The following SCN1A variants were observed in gnomAD, a reference collection of about 807,000 sequenced individuals.
SCN1A encodes the protein sodium voltage-gated channel alpha subunit 1.
A neutral mutation model predicts 193.7 loss-of-function variants in SCN1A; 13 were observed. The observed-to-expected ratio is 0.07, with a 90% CI of 0.04 to 0.11. The LOEUF is 0.11. Ranked by LOEUF, SCN1A falls within the 10% of genes least tolerant of loss-of-function variation. SCN1A has a pLI of 1.00. For missense variants in SCN1A, 1,432 were observed against 2,451.1 expected, an observed-to-expected ratio of 0.58 and a Z score of 8.78; for synonymous variants, 781 against 843.6, an observed-to-expected ratio of 0.93 and a Z score of 1.29.
intron 26 of SCN1A, chr2:165,996,367 G>T (rs775387729): frequency 3.0e-6 from 1 of 334,712 alleles, no homozygotes; most frequent in Non-Finnish European, 5.6e-6. Context: ...TCTCAAAAAG[G>T]TTAAGTATTT....
rs370463183 is a variant in SCN1A, at chr2:166,043,870, G to A, written c.1842C>T (p.His614=). The change falls in exon 14 of 29, where the codon CAC becomes CAT. Residue 614 remains histidine, a synonymous_variant. Coordinates refer to ENST00000674923, the MANE Select transcript of SCN1A (RefSeq NM_001165963.4). ...RRDSLFVPRR[H]GERRNSNLSQ... is the part of the protein sequence containing the mutation. Reference sequence around the variant, plus strand: ...TCAGGTTGCTGTTGCGTCTCTCTCCGTGTCGTCGGGGCACAAACAAGGAAT... The same window carrying A: ...TCAGGTTGCTGTTGCGTCTCTCTCCATGTCGTCGGGGCACAAACAAGGAAT... The A allele has an allele frequency of 3.3e-5, 53 of 1,614,034 alleles. No individual in the cohort carries two copies. The highest frequency in any genetic ancestry group is 6.7e-5 in the East Asian group (3 of 44,888).
At chr2:166,015,484 G>A in intron 20 of SCN1A, 123 bp downstream of exon 20, 2 of 1,160,058 alleles carry the variant, frequency 1.7e-6, no homozygotes, top group Non-Finnish European at 2.6e-6. Flanking sequence ...CAACATATTA[G>A]AGGTGATTGA....
At position 166,038,055 on chromosome 2, in the gene SCN1A, A is replaced by C. The variant is rs1206449277; in HGVS notation, c.2667T>G (p.Ala889=). 4 of 1,614,086 alleles carry C rather than the reference A, an allele frequency of 2.5e-6. No individual in the cohort carries two copies. In the African/African-American group the frequency reaches 5.3e-5, roughly 22 times the overall value. ...LIKIIGNSVG[A]LGNLTLVLAI... ...CCAAGACGAGGGTTAAATTTCCCAG[A>C]GCCCCCACGGAATTGCCGATGATCT... Residue 889 remains alanine, a synonymous_variant, in exon 18 of 29, where the codon GCT becomes GCG. Coordinates refer to ENST00000674923, the MANE Select transcript of SCN1A (RefSeq NM_001165963.4).
At chr2:166,021,808 A>G (rs374122926) in intron 19 of SCN1A, among the ~76,000 whole-genome samples, 3 of 152,188 alleles carry the variant, frequency 2.0e-5, no homozygotes, top group African/African-American at 7.2e-5. Flanking sequence ...CTAATATGAC[A>G]GAAGAGGTGT....
At position 166,122,481 on chromosome 2, in the gene SCN1A, C is replaced by A. The variant is rs542866964; in HGVS notation, c.-142+4443G>T. 5.9e-5 allele frequency among the ~76,000 whole-genome samples: 9 copies of A among 152,210 alleles called. No individual in the cohort carries two copies. The East Asian group carries it at 1.7e-3, about 29-fold the overall frequency. On this transcript the variant is annotated intron_variant, in intron 2 of 28. Transcript: ENST00000674923. ...GGGTATATGGATCAGTTTTCTGATT[C>A]TTTAAAGTTATGTGGATTCTCAAGA...
At chr2:166,053,076 T>C (rs935873542) in intron 7 of SCN1A, 133 bp from the exon 8 acceptor site, 2 of 1,397,694 alleles carry the variant, frequency 1.4e-6, no homozygotes, top group Non-Finnish European at 2.0e-6. Flanking sequence ...CTCTCAAGAC[T>C]CTGAAAGTGC....
chr2:166,022,039 A>G (rs559204692), intron 19 of SCN1A, among the ~76,000 whole-genome samples: 1 of 152,314 alleles, frequency 6.6e-6, no homozygotes, highest in East Asian at 1.9e-4. Context: ...CAATTTCAGC[A>G]TTATAGCTGG....
chr2:166,054,401 T>C (rs1227825233), intron 7 of SCN1A, among the ~76,000 whole-genome samples: 1 of 151,956 alleles, frequency 6.6e-6, no homozygotes, highest in Non-Finnish European at 1.5e-5. Flanking sequence ...GAGTGGCATA[T>C]GTGAAATTTT....
At chr2:166,017,419 CTCAA>C (rs778479660) in intron 19 of SCN1A, among the ~76,000 whole-genome samples, 2 of 152,104 alleles carry the variant, frequency 1.3e-5, no homozygotes, top group African/African-American at 2.4e-5. Context: ...TAGTCACATT[CTCAA>C]TCAAACTACT....
chr2:166,044,326 C>T (rs574230042), intron 13 of SCN1A, among the ~76,000 whole-genome samples: 4 of 152,002 alleles, frequency 2.6e-5, no homozygotes, highest in East Asian at 1.9e-4. Context: ...ACACCCTGAA[C>T]GACCATTTCT....
chr2:166,129,393 G>C (rs1169999589), upstream of SCN1A, among the ~76,000 whole-genome samples: 1 of 152,024 alleles, frequency 6.6e-6, no homozygotes, highest in Non-Finnish European at 1.5e-5. Context: ...TGGACCAATG[G>C]GTCCATCTTG....
intron 1 of SCN1A, among the ~76,000 whole-genome samples, chr2:166,147,791 C>A (rs1441615861): frequency 1.3e-5 from 2 of 152,156 alleles, no homozygotes; most frequent in Non-Finnish European, 2.9e-5. Flanking sequence ...GGTATATTTT[C>A]ATCATAAATA....
At chr2:166,123,918 C>A (rs919774781) in intron 2 of SCN1A, among the ~76,000 whole-genome samples, 1 of 152,168 alleles carries the variant, frequency 6.6e-6, no homozygotes, top group Non-Finnish European at 1.5e-5. Context: ...TGCCACTCTT[C>A]ATACCTGTGA....
chr2:166,109,281 T>G (rs1269599952), intron 2 of SCN1A, among the ~76,000 whole-genome samples: 1 of 152,154 alleles, frequency 6.6e-6, no homozygotes, highest in Admixed American at 6.6e-5. Context: ...TGAATTTACA[T>G]CAAGATAACA....
At chr2:166,052,669 A>T (rs1333836698) in intron 8 of SCN1A, among the ~76,000 whole-genome samples, 183 bp downstream of exon 8, 1 of 151,910 alleles carries the variant, frequency 6.6e-6, no homozygotes, top group Admixed American at 6.6e-5. Context: ...CTCAAATTAC[A>T]GTATCTCACA....
Position 166,032,202 on chromosome 2 carries a change from T to TACACACACACACACACAC in SCN1A, c.3429+3828_3429+3845dup. On this transcript the variant is annotated intron_variant, in intron 19 of 28. Transcript: ENST00000674923. ...ATTCATACTTAAAGGTTGAAAGTCA[T>TACACACACACACACACAC]ACACACACACACACACACACACACA... Among the ~76,000 whole-genome samples, 95 of 76,890 alleles carry TACACACACACACACACAC rather than the reference T, an allele frequency of 1.2e-3. 1 individual carries two copies. Among genetic ancestry groups the TACACACACACACACACAC allele is most frequent in the Middle Eastern group, 4.3e-3 (1 of 234 alleles). 50.4% of individuals were successfully genotyped at this position (76,890 alleles called of 152,430 possible).
Position 166,058,595 on chromosome 2 carries a change from T to C in SCN1A, c.358A>G (p.Ile120Val). 1 of 1,607,080 alleles carries C rather than the reference T, an allele frequency of 6.2e-7. No homozygotes were observed. The highest frequency in any genetic ancestry group is 1.1e-5 in the South Asian group (1 of 90,920). The part of the protein sequence containing the change: ...ILTPFNPLRK[I>V]AIKILVHSLF... ...GAATGTACCAAAATCTTAATAGCTATTTTCCTAAGAGGATTGAAGGGAGTT... is the reference window on the plus strand; with the variant it reads ...GAATGTACCAAAATCTTAATAGCTACTTTCCTAAGAGGATTGAAGGGAGTT... Residue 120 changes from isoleucine to valine, a missense_variant, in exon 5 of 29, where the codon ATA (isoleucine) becomes GTA (valine). Around this residue, in one of 18 missense-constraint regions of SCN1A, gnomAD observed 123 missense variants for 282.8 expected, o/e 0.43. Transcript: ENST00000674923.
chr2:166,138,042 C>T (rs922683917), intron 1 of SCN1A, among the ~76,000 whole-genome samples: 6 of 152,080 alleles, frequency 3.9e-5, no homozygotes, highest in African/African-American at 1.4e-4. Context: ...ATTTGTGGAA[C>T]TTTGAACTTG....
At position 166,101,686 on chromosome 2, in the gene SCN1A, T is replaced by C. The variant is rs558144950; in HGVS notation, c.-141-23885A>G. On this transcript the variant is annotated intron_variant, in intron 2 of 28. Transcript: ENST00000674923. ...TAACTGGCTAACCATACGCAGAAGA[T>C]TGAAACTGGACCCCTTCCTTTCACC... Among the ~76,000 whole-genome samples the C allele has an allele frequency of 2.0e-5, 3 of 152,168 alleles. No homozygotes were observed. The East Asian group carries it at 5.8e-4, about 29-fold the overall frequency.
Sources: allele counts gnomAD v4.1 joint callset (sites outside exome capture counted in the v4.1 genomes callset), GRCh38; gene constraint gnomAD v4.1.1; regional missense constraint gnomAD v4.1.1; transcripts MANE v1.5; gene names NCBI Gene and HGNC (gene_info 2026-07-23, HGNC 2026-07-21).